The following NOX4 variants were observed in gnomAD, a reference collection of about 807,000 sequenced individuals.
The protein encoded by NOX4 is kidney oxidase-1.
In NOX4, 69 loss-of-function variants were observed where a neutral mutation model predicts 87.6. That is an observed-to-expected ratio of 0.79 (90% CI 0.65 to 0.96). NOX4 has a LOEUF of 0.96. NOX4 is among the 40% of genes least tolerant of loss of function. The pLI is 0.00. For missense variants in NOX4, 680 were observed against 681.5 expected (o/e 1.00, Z 0.02); for synonymous variants, 275 against 238.2 (o/e 1.15, Z -1.42).
chr11:89,438,829 CTTATATATTATATATATTATATAATATA>C lies in NOX4; in HGVS notation c.475+1831_475+1858del, dbSNP rs1944277398. Among the ~76,000 whole-genome samples the C allele has an allele frequency of 9.3e-5, 3 of 32,296 alleles. 1 individual carries two copies. The highest frequency in any genetic ancestry group is 2.8e-3 in the East Asian group (2 of 702). 21.2% of individuals were successfully genotyped at this position (32,296 alleles called of 152,430 possible). The stretch of plus-strand genomic sequence containing the variant: ...ATATATTATATATATTATATAATAT[CTTATATATTATATATATTATATAATATA>C]TTATATATTATATATATAATATATA... On this transcript the variant is annotated intron_variant, in intron 6 of 17. Coordinates refer to ENST00000263317, the MANE Select transcript of NOX4 (RefSeq NM_016931.5).
At chr11:89,588,624 G>A in the NOX4 span, among the ~76,000 whole-genome samples, 13 of 152,086 alleles carry the variant, frequency 8.5e-5, no homozygotes, top group African/African-American at 2.4e-4. Flanking sequence ...CTGCACTTAC[G>A]GTATTAACTA....
the NOX4 span, among the ~76,000 whole-genome samples, chr11:89,554,839 C>T: frequency 6.6e-6 from 1 of 151,818 alleles, no homozygotes; most frequent in Non-Finnish European, 1.5e-5. Context: ...CACAAATGAT[C>T]AAAGTTATCA....
chr11:89,545,989 G>A, the NOX4 span, among the ~76,000 whole-genome samples: 1 of 152,128 alleles, frequency 6.6e-6, no homozygotes, highest in South Asian at 2.1e-4. Flanking sequence ...TGGTCTTCCT[G>A]TGGTAAATAT....
At chr11:89,434,865 TC>T (rs1943998680) in intron 6 of NOX4, among the ~76,000 whole-genome samples, 2 of 152,160 alleles carry the variant, frequency 1.3e-5, no homozygotes, top group South Asian at 2.1e-4. Flanking sequence ...ACCACTCCAG[TC>T]CTGAAAAAGT....
the NOX4 span, among the ~76,000 whole-genome samples, chr11:89,580,046 AATGT>A: frequency 6.6e-6 from 1 of 152,194 alleles, no homozygotes; most frequent in Non-Finnish European, 1.5e-5. Context: ...GAGGACTTTA[AATGT>A]AGCTCTAGAG....
intron 15 of NOX4, among the ~76,000 whole-genome samples, chr11:89,338,102 G>A (rs1367762395): frequency 2.6e-5 from 4 of 151,846 alleles, no homozygotes; most frequent in South Asian, 4.1e-4. Context: ...CCCCCTCCCC[G>A]AAGGCTTTGG....
chr11:89,422,795 A>ATTTTTTTTTTTTTTTTTTTTTTTTTTT (rs147956211), intron 7 of NOX4, among the ~76,000 whole-genome samples: 1 of 110,980 alleles, frequency 9.0e-6, no homozygotes, highest in Non-Finnish European at 1.9e-5. Flanking sequence ...CAAAGTTCTG[A>ATTTTTTTTTTTTTTTTTTTTTTTTTTT]TTTTTTTTTT....
At chr11:89,491,826 C>A (rs1946868449), upstream of NOX4, among the ~76,000 whole-genome samples, 1 of 151,760 alleles carries the variant, frequency 6.6e-6, no homozygotes, top group South Asian at 2.1e-4. Flanking sequence ...CTCAAAGAGC[C>A]TTGGTAACGA....
chr11:89,544,411 T>G, the NOX4 span, among the ~76,000 whole-genome samples: 1 of 152,110 alleles, frequency 6.6e-6, no homozygotes, highest in Non-Finnish European at 1.5e-5. Flanking sequence ...TAAATCATCT[T>G]CTGAAGTGCA....
At position 89,335,924 on chromosome 11, in the gene NOX4, G is replaced by A; in HGVS notation, c.1537C>T (p.His513Tyr). The A allele has an allele frequency of 6.3e-7, 1 of 1,595,422 alleles. No homozygotes were observed. Among genetic ancestry groups the A allele is most frequent in the Non-Finnish European group, 8.5e-7 (1 of 1,171,252 alleles). Reference sequence around the variant, plus strand: ...ATAAACAGTCTTGAATTCAGTGCATGATATTTTTCTCCAATTATCTTCTGC... The same window carrying A: ...ATAAACAGTCTTGAATTCAGTGCATAATATTTTTCTCCAATTATCTTCTGC... ...GIQKIIGEKY[H>Y]ALNSRLFIGR... The change falls in exon 17 of 18, where the codon CAT becomes TAT. Residue 513 changes from histidine (H) to tyrosine (Y), a missense_variant. Physicochemically the swap from His to Tyr is moderately conservative, Grantham distance 83. Coordinates refer to ENST00000263317, the MANE Select transcript of NOX4 (RefSeq NM_016931.5).
intron 5 of NOX4, among the ~76,000 whole-genome samples, chr11:89,441,637 A>G (rs1944459078): frequency 6.6e-6 from 1 of 152,180 alleles, no homozygotes; most frequent in African/African-American, 2.4e-5. Context: ...TGAATATATA[A>G]ACAACCCATA....
chr11:89,400,634 A>G (rs1221924151), intron 9 of NOX4, among the ~76,000 whole-genome samples: 1 of 152,028 alleles, frequency 6.6e-6, no homozygotes, highest in Admixed American at 6.6e-5. Flanking sequence ...CCATGAGCAA[A>G]CAAGTATATA....
At chr11:89,559,440 C>T in the NOX4 span, among the ~76,000 whole-genome samples, 1 of 151,980 alleles carries the variant, frequency 6.6e-6, no homozygotes, top group Non-Finnish European at 1.5e-5. Flanking sequence ...AAAAAAAGAC[C>T]TGATTTGTAC....
At chr11:89,564,969 T>C in the NOX4 span, among the ~76,000 whole-genome samples, 2 of 152,134 alleles carry the variant, frequency 1.3e-5, no homozygotes, top group Non-Finnish European at 2.9e-5. Flanking sequence ...AATTTTTCCC[T>C]CAGTTTTCTT....
At chr11:89,541,130 T>A in the NOX4 span, among the ~76,000 whole-genome samples, 1 of 152,156 alleles carries the variant, frequency 6.6e-6, no homozygotes, top group Non-Finnish European at 1.5e-5. Context: ...TAAATTCTCT[T>A]TGAAAACTAA....
At chr11:89,426,427 C>T (rs937105795) in intron 7 of NOX4, among the ~76,000 whole-genome samples, 6 of 151,856 alleles carry the variant, frequency 4.0e-5, no homozygotes, top group African/African-American at 1.2e-4. Flanking sequence ...GGTGAGGCAT[C>T]GCCTCACCTG....
At chr11:89,437,212 A>G (rs1034089049) in intron 6 of NOX4, among the ~76,000 whole-genome samples, 4 of 152,080 alleles carry the variant, frequency 2.6e-5, no homozygotes, top group African/African-American at 9.6e-5. Flanking sequence ...AAAAAAATAC[A>G]AAAAACTTAG....
intron 12 of NOX4, among the ~76,000 whole-genome samples, chr11:89,361,368 G>T (rs369991278): frequency 2.4e-4 from 37 of 152,164 alleles, no homozygotes; most frequent in South Asian, 1.4e-3. Context: ...TAAATATCCT[G>T]TGTTCTCACT....
the NOX4 span, among the ~76,000 whole-genome samples, chr11:89,521,678 A>T: frequency 3.5e-4 from 53 of 152,282 alleles, no homozygotes; most frequent in African/African-American, 1.3e-3. Context: ...AAAATTGTCC[A>T]GTGCCACCTA....
Sources: allele counts gnomAD v4.1 joint callset (sites outside exome capture counted in the v4.1 genomes callset), GRCh38; gene constraint gnomAD v4.1.1; transcripts MANE v1.5; gene names NCBI Gene and HGNC (gene_info 2026-07-23, HGNC 2026-07-21).